Variants in MED13L observed in about 807,000 individuals in gnomAD.
The protein encoded by MED13L is mediator complex subunit 13L.
In MED13L, 7 loss-of-function variants were observed where a neutral mutation model predicts 220.9. That is an observed-to-expected ratio of 0.03 (90% CI 0.02 to 0.06). The LOEUF (loss-of-function observed/expected upper bound fraction) is 0.06. Among genes scored for constraint, MED13L ranks in the 10% least tolerant of loss-of-function variants. The probability of loss-of-function intolerance (pLI) is 1.00; values close to 1 mark genes in which losing one functional copy is unlikely to be tolerated. For missense variants in MED13L, 1,965 were observed against 2,760.5 expected (o/e 0.71, Z 6.46); for synonymous variants, 1,011 against 1,015.2 (o/e 1.00, Z 0.08).
At chr12:116,112,579 CT>C (rs1211049602) in intron 2 of MED13L, among the ~76,000 whole-genome samples, 1 of 152,086 alleles carries the variant, frequency 6.6e-6, no homozygotes, top group Non-Finnish European at 1.5e-5. Flanking sequence ...TGTCAAATAA[CT>C]TTTTGTCTTC....
chr12:116,085,473 T>C (rs1871569676), intron 4 of MED13L, among the ~76,000 whole-genome samples: 1 of 152,190 alleles, frequency 6.6e-6, no homozygotes. Context: ...AACCCAATTT[T>C]TGTTTTATGT....
chr12:115,969,114 A>T lies in MED13L; in HGVS notation c.6068-17T>A, dbSNP rs370925505. On this transcript the variant is annotated splice_polypyrimidine_tract_variant and intron_variant, in intron 27 of 30. Transcript: ENST00000281928. ...ACATATCATCTAGAGGGAAGGGGGG[A>T]AAAAAAGCACAAAAATTAAAAAGAT... 1.2e-6 allele frequency: 2 copies of T among 1,608,322 alleles called. No homozygotes were observed. Among genetic ancestry groups the T allele is most frequent in the Non-Finnish European group, 1.7e-6 (2 of 1,175,958 alleles).
At chr12:116,076,074 C>A (rs1397262344) in intron 4 of MED13L, among the ~76,000 whole-genome samples, 1 of 151,866 alleles carries the variant, frequency 6.6e-6, no homozygotes, top group African/African-American at 2.4e-5. Context: ...CTACCACGCC[C>A]GGCTAATTTT....
At chr12:116,007,851 G>GGA in intron 10 of MED13L, 1 of 556,808 alleles carries the variant, frequency 1.8e-6, no homozygotes, top group Admixed American at 3.2e-5. Flanking sequence ...CAGGTTCTCA[G>GGA]GACAGACTGC....
At chr12:116,040,795 C>CAAAAAA (rs59484926) in intron 4 of MED13L, among the ~76,000 whole-genome samples, 1 of 92,502 alleles carries the variant, frequency 1.1e-5, no homozygotes, top group Non-Finnish European at 2.3e-5. Flanking sequence ...TAGGAGTCCT[C>CAAAAAA]AAAAAAAAAA....
chr12:116,275,714 T>C (rs1873762226), intron 1 of MED13L, among the ~76,000 whole-genome samples: 1 of 152,102 alleles, frequency 6.6e-6, no homozygotes, highest in African/African-American at 2.4e-5. Context: ...ATTTCCAAAA[T>C]GCATGCTCTC....
At position 116,009,012 on chromosome 12, in the gene MED13L, G is replaced by A; in HGVS notation, c.1401C>T (p.His467=). The A allele has an allele frequency of 6.2e-7, 1 of 1,614,054 alleles. No homozygotes were observed. The highest frequency in any genetic ancestry group is 8.5e-7 in the Non-Finnish European group (1 of 1,180,000). Residue 467 remains histidine, a synonymous_variant, in exon 10 of 31, where the codon CAC becomes CAT. Transcript: ENST00000281928. The part of the protein sequence containing the change: ...SSLPPPASSK[H]KTAERQEKGD... ...CTTTTTCCTGTCTTTCTGCTGTTTTGTGCTTAGAAGAAGCAGGAGGTGGTA... is the reference window on the plus strand; with the variant it reads ...CTTTTTCCTGTCTTTCTGCTGTTTTATGCTTAGAAGAAGCAGGAGGTGGTA...
At chr12:116,080,240 T>C (rs1871137234) in intron 4 of MED13L, among the ~76,000 whole-genome samples, 3 of 152,130 alleles carry the variant, frequency 2.0e-5, no homozygotes, top group African/African-American at 7.2e-5. Context: ...TTGGCAGGGT[T>C]TGGATAAACA....
chr12:116,275,096 A>G (rs1593236008), intron 1 of MED13L, among the ~76,000 whole-genome samples: 1 of 152,266 alleles, frequency 6.6e-6, no homozygotes, highest in East Asian at 1.9e-4. Flanking sequence ...ATTACCAGTC[A>G]GCATAATATA....
rs369858458 is a variant in MED13L, at chr12:115,986,641, A to G, written c.4115-152T>C. 36 of 817,026 alleles carry G rather than the reference A, an allele frequency of 4.4e-5. No individual in the cohort carries two copies. The African/African-American group carries it at 5.4e-4, about 12-fold the overall frequency. The allele number at this position is 817,026 out of a possible 1,614,324, so 50.6% of individuals were successfully genotyped here. On this transcript the variant is annotated intron_variant, in intron 18 of 30. Coordinates refer to ENST00000281928, the MANE Select transcript of MED13L (RefSeq NM_015335.5). Reference sequence around the variant, plus strand: ...CTTAAAAGTATTTTTGAAATCATCTAATTAAATGGTCACTGATGAGGACTC... The same window carrying G: ...CTTAAAAGTATTTTTGAAATCATCTGATTAAATGGTCACTGATGAGGACTC...
At chr12:116,032,739 G>C (rs1219221427) in intron 4 of MED13L, among the ~76,000 whole-genome samples, 1 of 151,960 alleles carries the variant, frequency 6.6e-6, no homozygotes, top group Non-Finnish European at 1.5e-5. Context: ...TTTTCCAATA[G>C]CACTCATCAC....
chr12:116,252,536 C>T (rs530623893), intron 1 of MED13L, among the ~76,000 whole-genome samples: 1 of 151,888 alleles, frequency 6.6e-6, no homozygotes, highest in Non-Finnish European at 1.5e-5. Context: ...GACAATGTGT[C>T]TCAAAATAAT....
At chr12:116,118,786 G>A (rs550029060) in intron 2 of MED13L, among the ~76,000 whole-genome samples, 40 of 152,312 alleles carry the variant, frequency 2.6e-4, no homozygotes, top group African/African-American at 9.6e-4. Flanking sequence ...CGTGTTATGT[G>A]TCAAGCACCA....
chr12:116,261,509 A>C (rs1217421154), intron 1 of MED13L, among the ~76,000 whole-genome samples: 1 of 151,966 alleles, frequency 6.6e-6, no homozygotes, highest in African/African-American at 2.4e-5. Flanking sequence ...AAAAAAAAAA[A>C]AACTCTGGAA....
At chr12:116,066,393 A>ATGAGGGAT (rs1361846507) in intron 4 of MED13L, among the ~76,000 whole-genome samples, 2 of 152,226 alleles carry the variant, frequency 1.3e-5, no homozygotes, top group Non-Finnish European at 2.9e-5. Context: ...AACAGCAAGA[A>ATGAGGGAT]TGAGGGATTT....
At chr12:116,081,771 G>A (rs901148034) in intron 4 of MED13L, among the ~76,000 whole-genome samples, 1 of 152,160 alleles carries the variant, frequency 6.6e-6, no homozygotes, top group Admixed American at 6.5e-5. Context: ...TGTGATTGAG[G>A]TGGAAGGATC....
intron 4 of MED13L, among the ~76,000 whole-genome samples, chr12:116,043,191 C>T (rs1459464024): frequency 6.6e-6 from 1 of 152,088 alleles, no homozygotes; most frequent in Non-Finnish European, 1.5e-5. Context: ...ACTCTGAATC[C>T]CTTCTGCATC....
chr12:116,242,114 T>A (rs1870714494), intron 1 of MED13L, among the ~76,000 whole-genome samples: 1 of 149,412 alleles, frequency 6.7e-6, no homozygotes, highest in Non-Finnish European at 1.5e-5. Flanking sequence ...TGAAGTGGTA[T>A]GATCTTGGCA....
chr12:116,207,205 T>C (rs1365702254), intron 2 of MED13L, among the ~76,000 whole-genome samples: 1 of 152,108 alleles, frequency 6.6e-6, no homozygotes, highest in Admixed American at 6.6e-5. Flanking sequence ...CTCCCCATGT[T>C]GCCCAAACTG....
Sources: allele counts gnomAD v4.1 joint callset (sites outside exome capture counted in the v4.1 genomes callset), GRCh38; gene constraint gnomAD v4.1.1; transcripts MANE v1.5; gene names NCBI Gene and HGNC (gene_info 2026-07-23, HGNC 2026-07-21).